The following ZNF804B variants were observed in gnomAD, a reference collection of about 807,000 sequenced individuals.
ZNF804B encodes the protein zinc finger 804B.
Under a neutral mutation model 101.4 loss-of-function variants are expected in ZNF804B, and 80 were observed. That is an observed-to-expected ratio of 0.79 (90% CI 0.66 to 0.95). The LOEUF is 0.95. Ranked by LOEUF, ZNF804B falls within the 40% of genes least tolerant of loss-of-function variation. The probability of loss-of-function intolerance (pLI) is 0.00; values close to 1 mark genes in which losing one functional copy is unlikely to be tolerated. For synonymous variants in ZNF804B, 622 were observed against 558.8 expected (o/e 1.11, Z -1.59); for missense variants, 1,673 against 1,561.9 (o/e 1.07, Z -1.20).
At chr7:88,796,728 C>T (rs1386017267) in intron 1 of ZNF804B, among the ~76,000 whole-genome samples, 2 of 152,130 alleles carry the variant, frequency 1.3e-5, no homozygotes. Flanking sequence ...CTTCTTTGCC[C>T]AGTTAGCTCA....
intron 1 of ZNF804B, among the ~76,000 whole-genome samples, chr7:89,036,532 T>C (rs949688577): frequency 2.6e-5 from 4 of 152,070 alleles, no homozygotes; most frequent in East Asian, 1.9e-4. Flanking sequence ...TTAGTTAATA[T>C]GATTTTTATT....
chr7:89,199,841 G>A (rs897315033), intron 1 of ZNF804B, among the ~76,000 whole-genome samples: 1 of 148,618 alleles, frequency 6.7e-6, no homozygotes, highest in African/African-American at 2.5e-5. Flanking sequence ...ATATGTGTGT[G>A]TGTATATATA....
rs1321476421 is a variant in ZNF804B, at chr7:89,197,164, A to G, written c.109-20991A>G. On this transcript the variant is annotated intron_variant, in intron 1 of 3. Transcript: ENST00000333190. ...AAACCACTGTGTCACACATTTACCT[A>G]TGTAACAATCCTGCACATCCTGCAG... Among the ~76,000 whole-genome samples the G allele has an allele frequency of 4.6e-5, 7 of 152,042 alleles. 1 individual carries two copies. Among genetic ancestry groups the G allele is most frequent in the South Asian group, 4.1e-4 (2 of 4,830 alleles).
At chr7:89,324,584 G>A (rs1790868744) in intron 2 of ZNF804B, among the ~76,000 whole-genome samples, 2 of 138,176 alleles carry the variant, frequency 1.4e-5, no homozygotes, top group African/African-American at 2.7e-5. Flanking sequence ...TTTTATAATT[G>A]TCCAGTCTAC....
chr7:89,065,121 A>T (rs1789439612), intron 1 of ZNF804B, among the ~76,000 whole-genome samples: 1 of 152,156 alleles, frequency 6.6e-6, no homozygotes, highest in South Asian at 2.1e-4. Context: ...CTGTCAAGAG[A>T]AAGAACCCTC....
chr7:89,077,760 C>A (rs1789636141), intron 1 of ZNF804B, among the ~76,000 whole-genome samples: 1 of 152,188 alleles, frequency 6.6e-6, no homozygotes, highest in East Asian at 1.9e-4. Context: ...TTCTCTCTTT[C>A]TTAAGCTAAT....
chr7:89,073,210 A>G lies in ZNF804B; in HGVS notation c.109-144945A>G, dbSNP rs191521502. ...AACCCATTCAATTGAGTTTCTAATC[A>G]GTTGGTAGAAACTGTTTCTTATATT... On this transcript the variant is annotated intron_variant, in intron 1 of 3. Transcript: ENST00000333190. Among the ~76,000 whole-genome samples the G allele has an allele frequency of 1.0e-3, 157 of 152,284 alleles. 1 individual carries two copies. Among genetic ancestry groups the G allele is most frequent in the African/African-American group, 3.6e-3 (148 of 41,556 alleles).
intron 1 of ZNF804B, among the ~76,000 whole-genome samples, chr7:89,014,462 G>T (rs373662413): frequency 6.6e-6 from 1 of 151,966 alleles, no homozygotes; most frequent in African/African-American, 2.4e-5. Flanking sequence ...GACTACAGGC[G>T]CCCGCTGCGA....
intron 1 of ZNF804B, among the ~76,000 whole-genome samples, chr7:88,966,816 T>C (rs1351022604): frequency 6.6e-6 from 1 of 151,126 alleles, no homozygotes; most frequent in Non-Finnish European, 1.5e-5. Flanking sequence ...AAAAAAACAT[T>C]CTCAGTTCAA....
rs73397175 is a variant in ZNF804B, at chr7:89,226,722, G to A, written c.249+8427G>A. Among the ~76,000 whole-genome samples the A allele has an allele frequency of 7.1e-3, 1,086 of 151,966 alleles. 12 individuals carry two copies. The highest frequency in any genetic ancestry group is 0.025 in the African/African-American group (1,025 of 41,474). ...TTATTGTGTTGTTAAATAAATACTC[G>A]GAATTTACATTATTGTGACTTGTAA... On this transcript the variant is annotated intron_variant, in intron 2 of 3. Coordinates refer to ENST00000333190, the MANE Select transcript of ZNF804B (RefSeq NM_181646.5).
chr7:89,207,089 T>C (rs1451106952), intron 1 of ZNF804B, among the ~76,000 whole-genome samples: 1 of 152,226 alleles, frequency 6.6e-6, no homozygotes, highest in Non-Finnish European at 1.5e-5. Context: ...TTCCCATATT[T>C]TCCTGTTTTC....
chr7:88,932,443 TAAATG>T (rs1792901195), intron 1 of ZNF804B, among the ~76,000 whole-genome samples: 1 of 151,736 alleles, frequency 6.6e-6, no homozygotes, highest in Non-Finnish European at 1.5e-5. Context: ...ATACAAAAGA[TAAATG>T]AAACAAAAAG....
intron 1 of ZNF804B, among the ~76,000 whole-genome samples, chr7:89,158,750 T>A: frequency 6.6e-6 from 1 of 152,146 alleles, no homozygotes; most frequent in Non-Finnish European, 1.5e-5. Context: ...CTTTTCATCC[T>A]CCAGGTCTTT....
intron 1 of ZNF804B, among the ~76,000 whole-genome samples, chr7:88,834,514 T>C (rs558799866): frequency 6.6e-6 from 1 of 151,904 alleles, no homozygotes; most frequent in South Asian, 2.1e-4. Flanking sequence ...GGAGTTAAAG[T>C]AATAGAAAGT....
chr7:88,935,050 T>C (rs554576208), intron 1 of ZNF804B, among the ~76,000 whole-genome samples: 7 of 151,060 alleles, frequency 4.6e-5, no homozygotes, highest in South Asian at 2.1e-4. Flanking sequence ...TATATATATA[T>C]ACACACACAC....
intron 2 of ZNF804B, among the ~76,000 whole-genome samples, chr7:89,272,178 C>G (rs978624315): frequency 6.6e-6 from 1 of 152,008 alleles, no homozygotes; most frequent in Non-Finnish European, 1.5e-5. Flanking sequence ...TCATATTGTT[C>G]TTTCTACTAG....
chr7:89,203,744 A>C (rs1374015086), intron 1 of ZNF804B, among the ~76,000 whole-genome samples: 1 of 152,168 alleles, frequency 6.6e-6, no homozygotes, highest in Non-Finnish European at 1.5e-5. Flanking sequence ...ATTAGACATA[A>C]TAGCAGACGT....
At chr7:89,074,243 C>T (rs1465640757) in intron 1 of ZNF804B, among the ~76,000 whole-genome samples, 1 of 152,196 alleles carries the variant, frequency 6.6e-6, no homozygotes, top group Non-Finnish European at 1.5e-5. Context: ...TCTTCCCTCT[C>T]TTTCTAGGAG....
At chr7:89,127,049 C>G (rs1409438248) in intron 1 of ZNF804B, among the ~76,000 whole-genome samples, 1 of 151,882 alleles carries the variant, frequency 6.6e-6, no homozygotes, top group Non-Finnish European at 1.5e-5. Flanking sequence ...GATCATGACT[C>G]CCAACTGTAC....
Sources: allele counts gnomAD v4.1 joint callset (sites outside exome capture counted in the v4.1 genomes callset), GRCh38; gene constraint gnomAD v4.1.1; transcripts MANE v1.5; gene names NCBI Gene and HGNC (gene_info 2026-07-23, HGNC 2026-07-21).